ZBTB20: variants seen among roughly 807,000 people sequenced by gnomAD.
ZBTB20 encodes the protein zinc finger and BTB domain containing 20.
A neutral mutation model predicts 56.9 loss-of-function variants in ZBTB20; 9 were observed. The observed-to-expected ratio is 0.16, with a 90% CI of 0.10 to 0.28. The LOEUF (loss-of-function observed/expected upper bound fraction) is 0.28, where lower values mean the gene tolerates loss of function less well. Ranked by LOEUF, ZBTB20 falls within the 10% of genes least tolerant of loss-of-function variation. ZBTB20 has a pLI of 1.00. For synonymous variants in ZBTB20, 417 were observed against 420.7 expected (o/e 0.99, Z 0.11); for missense variants, 655 against 1,003.0 (o/e 0.65, Z 4.69).
In ZBTB20 at chr3:114,455,160, G is replaced by C. The variant is rs568621186; in HGVS notation, c.-255+45192C>G. ...GAGGGAGAGAGAGAGAAAAGGAGAA[G>C]GAGAGAGAGCGCGAGAGGGAGAGCG... On this transcript the variant is annotated intron_variant, in intron 7 of 11. Transcript: ENST00000675478. Among the ~76,000 whole-genome samples, 31 of 151,638 alleles carry C rather than the reference G, an allele frequency of 2.0e-4. No homozygotes were observed. In the South Asian group the frequency reaches 6.3e-3, roughly 31 times the overall value.
chr3:115,125,299 T>G (rs2084296514), intron 1 of ZBTB20, among the ~76,000 whole-genome samples: 1 of 151,212 alleles, frequency 6.6e-6, no homozygotes, highest in Non-Finnish European at 1.5e-5. Context: ...ACCATGATTG[T>G]GTCACTGCAC....
intron 2 of ZBTB20, among the ~76,000 whole-genome samples, chr3:114,980,393 G>A (rs1231746630): frequency 6.6e-6 from 1 of 150,520 alleles, no homozygotes; most frequent in Non-Finnish European, 1.5e-5. Context: ...CTTTCTAAGG[G>A]TCCATAAAAC....
At chr3:114,403,364 G>A (rs1297648632) in intron 7 of ZBTB20, among the ~76,000 whole-genome samples, 1 of 152,072 alleles carries the variant, frequency 6.6e-6, no homozygotes, top group Non-Finnish European at 1.5e-5. Flanking sequence ...GTAGTAATGG[G>A]CCATATTGGT....
At chr3:114,575,541 A>G (rs2107410560) in intron 6 of ZBTB20, among the ~76,000 whole-genome samples, 1 of 152,178 alleles carries the variant, frequency 6.6e-6, no homozygotes, top group African/African-American at 2.4e-5. Context: ...ATTCATATAA[A>G]AGATTTCTTT....
intron 5 of ZBTB20, among the ~76,000 whole-genome samples, chr3:114,797,144 A>C (rs936538479): frequency 8.6e-5 from 13 of 151,916 alleles, no homozygotes; most frequent in African/African-American, 2.9e-4. Flanking sequence ...AGCTGCTTTT[A>C]TATTTTGGTG....
chr3:114,417,202 A>C (rs538762824), intron 7 of ZBTB20, among the ~76,000 whole-genome samples: 3 of 152,220 alleles, frequency 2.0e-5, no homozygotes, highest in Admixed American at 6.5e-5. Flanking sequence ...ACTTAAATAA[A>C]TTAAGTAAGT....
intron 6 of ZBTB20, among the ~76,000 whole-genome samples, chr3:114,643,286 T>C (rs1423108308): frequency 2.0e-5 from 3 of 152,104 alleles, no homozygotes; most frequent in Non-Finnish European, 4.4e-5. Flanking sequence ...AGTTGCTCCA[T>C]GTGCTACTTT....
intron 6 of ZBTB20, among the ~76,000 whole-genome samples, chr3:114,540,493 A>G (rs570136685): frequency 6.6e-6 from 1 of 152,210 alleles, no homozygotes; most frequent in Admixed American, 6.5e-5. Context: ...AGTCCAATGT[A>G]CTGGTACCAA....
intron 6 of ZBTB20, among the ~76,000 whole-genome samples, chr3:114,612,884 T>C (rs1322430469): frequency 4.6e-5 from 7 of 152,362 alleles, no homozygotes; most frequent in East Asian, 1.9e-4. Context: ...TTTTTGTAGA[T>C]AGAACTTGAT....
In ZBTB20 at chr3:114,680,797, C is replaced by T. The variant is rs184481764; in HGVS notation, c.-295+12731G>A. Among the ~76,000 whole-genome samples the T allele has an allele frequency of 1.6e-3, 247 of 152,206 alleles. 1 individual carries two copies. The highest frequency in any genetic ancestry group is 6.8e-3 in the Middle Eastern group (2 of 294). ...GGCCATCTGCAGGGTACAGATCATG[C>T]TAGAGTCAGGGAAAACTGGTGATAA... On this transcript the variant is annotated intron_variant, in intron 6 of 11. Coordinates refer to ENST00000675478, the MANE Select transcript of ZBTB20 (RefSeq NM_001348800.3).
intron 7 of ZBTB20, among the ~76,000 whole-genome samples, chr3:114,458,418 G>A (rs554930663): frequency 1.6e-4 from 25 of 152,236 alleles, no homozygotes; most frequent in African/African-American, 6.0e-4. Context: ...AAGAATTAAA[G>A]TCATTGTAAA....
In ZBTB20 at chr3:114,326,760, T is replaced by C. The variant is rs986340340; in HGVS notation, c.*12245A>G. 6 of 152,220 alleles carry C rather than the reference T, an allele frequency of 3.9e-5. No homozygotes were observed. Among genetic ancestry groups the C allele is most frequent in the Non-Finnish European group, 8.8e-5 (6 of 68,032 alleles). 9.4% of individuals were successfully genotyped at this position (152,220 alleles called of 1,614,324 possible). A position where few individuals can be genotyped will look rare whatever the true frequency, so the allele number is the denominator to read the frequency against. Reference sequence around the variant, plus strand: ...ACTGTTTGAATGTGTGAAAGTATTATCCCTTTGCTCTACCATGTTTCACTT... The same window carrying C: ...ACTGTTTGAATGTGTGAAAGTATTACCCCTTTGCTCTACCATGTTTCACTT... On this transcript the variant is annotated 3_prime_UTR_variant, in exon 12 of 12. Coordinates refer to ENST00000675478, the MANE Select transcript of ZBTB20 (RefSeq NM_001348800.3).
intron 4 of ZBTB20, among the ~76,000 whole-genome samples, chr3:114,832,008 C>A (rs1417354313): frequency 6.6e-6 from 1 of 152,102 alleles, no homozygotes; most frequent in East Asian, 1.9e-4. Context: ...ACATTTCAAT[C>A]AGCTTATCTG....
intron 7 of ZBTB20, among the ~76,000 whole-genome samples, chr3:114,451,293 T>G (rs912318637): frequency 6.6e-6 from 1 of 152,108 alleles, no homozygotes; most frequent in African/African-American, 2.4e-5. Flanking sequence ...CTACTTTTAT[T>G]TCTCTCTCAA....
intron 7 of ZBTB20, chr3:114,445,543 T>C (rs1300826483): frequency 6.6e-6 from 1 of 152,316 alleles, no homozygotes; most frequent in East Asian, 1.9e-4. Flanking sequence ...CCTATGCAAT[T>C]TGTTGTTATT....
rs1432852250 is a variant in ZBTB20, at chr3:115,143,761, C to G, written c.-703+3458G>C. Among the ~76,000 whole-genome samples, 4 of 151,914 alleles carry G rather than the reference C, an allele frequency of 2.6e-5. No homozygotes were observed. The East Asian group carries it at 7.7e-4, about 29-fold the overall frequency. ...AAAAATCCCTATCTGTTAAAATTAC[C>G]AACTGAAATATATGGAGAAAGTTTC... On this transcript the variant is annotated intron_variant, in intron 1 of 11. Transcript: ENST00000675478.
chr3:114,636,710 A>T (rs1001344174), intron 6 of ZBTB20, among the ~76,000 whole-genome samples: 3 of 152,082 alleles, frequency 2.0e-5, no homozygotes, highest in Non-Finnish European at 4.4e-5. Flanking sequence ...GCATATTGCT[A>T]CAAAAGATAA....
intron 5 of ZBTB20, chr3:114,713,947 T>G (rs1449563546): frequency 1.3e-5 from 2 of 152,612 alleles, no homozygotes; most frequent in Non-Finnish European, 2.9e-5. Context: ...TCATCTCTGA[T>G]CGAATTTTTA....
intron 6 of ZBTB20, among the ~76,000 whole-genome samples, chr3:114,501,396 T>A (rs2043939849): frequency 6.6e-6 from 1 of 151,846 alleles, no homozygotes; most frequent in Admixed American, 6.6e-5. Context: ...GAGGCCAAGG[T>A]GGGTGGATCA....
Sources: allele counts gnomAD v4.1 joint callset (sites outside exome capture counted in the v4.1 genomes callset), GRCh38; gene constraint gnomAD v4.1.1; transcripts MANE v1.5; gene names NCBI Gene and HGNC (gene_info 2026-07-23, HGNC 2026-07-21).